The following PCDH15 variants were observed in gnomAD, a reference collection of about 807,000 sequenced individuals.
PCDH15 encodes protocadherin related 15.
PCDH15 carries 129 observed loss-of-function variants against 178.5 expected under a neutral mutation model. That is an observed-to-expected ratio of 0.72 (90% confidence interval 0.63 to 0.84). PCDH15 has a LOEUF of 0.84. PCDH15 is among the 40% of genes least tolerant of loss of function. The pLI, the probability that PCDH15 is intolerant of heterozygous loss-of-function variation, is 0.00. For synonymous variants in PCDH15, 800 were observed against 732.0 expected (o/e 1.09, Z -1.50); for missense variants, 2,230 against 2,099.9 (o/e 1.06, Z -1.21).
chr10:53,825,869 G>GAGTC (rs1421427776), intron 32 of PCDH15, among the ~76,000 whole-genome samples: 1 of 151,312 alleles, frequency 6.6e-6, no homozygotes, highest in East Asian at 1.9e-4. Flanking sequence ...AAAATCTACT[G>GAGTC]AGTCTACTAC....
At chr10:53,847,642 T>C (rs987067363) in intron 28 of PCDH15, among the ~76,000 whole-genome samples, 3 of 152,132 alleles carry the variant, frequency 2.0e-5, no homozygotes, top group Admixed American at 2.0e-4. Context: ...GTTAATTTTG[T>C]AACTGAGTCT....
intron 9 of PCDH15, among the ~76,000 whole-genome samples, chr10:54,228,541 A>G (rs776513400): frequency 9.2e-5 from 14 of 152,194 alleles, no homozygotes; most frequent in Non-Finnish European, 1.9e-4. Flanking sequence ...CTCTCTGCAA[A>G]TTAGAGAACC....
At chr10:55,621,603 T>C (rs1837389454) in intron 2 of PCDH15, among the ~76,000 whole-genome samples, 1 of 152,144 alleles carries the variant, frequency 6.6e-6, no homozygotes, top group Admixed American at 6.5e-5. Flanking sequence ...ATGTGAGGGA[T>C]ATAGGTTGCA....
intron 3 of PCDH15, among the ~76,000 whole-genome samples, chr10:54,850,712 C>A (rs911395162): frequency 1.3e-5 from 2 of 149,724 alleles, no homozygotes; most frequent in African/African-American, 5.0e-5. Flanking sequence ...AATTGAAATG[C>A]CAAAGTTTTG....
At chr10:55,073,920 T>A (rs1841814232) in intron 2 of PCDH15, among the ~76,000 whole-genome samples, 1 of 151,978 alleles carries the variant, frequency 6.6e-6, no homozygotes, top group Non-Finnish European at 1.5e-5. Context: ...TGTCCATGTG[T>A]TCTCATTGTT....
intron 7 of PCDH15, among the ~76,000 whole-genome samples, chr10:54,320,647 G>A (rs942847740): frequency 6.6e-6 from 1 of 151,764 alleles, no homozygotes; most frequent in African/African-American, 2.4e-5. Flanking sequence ...ATTTAATTGG[G>A]TTATAGCTAT....
At chr10:53,814,277 T>C (rs1564518741) in intron 35 of PCDH15, among the ~76,000 whole-genome samples, 1 of 151,916 alleles carries the variant, frequency 6.6e-6, no homozygotes, top group African/African-American at 2.4e-5. Context: ...TTAACAACAT[T>C]AGGTAATAGT....
intron 3 of PCDH15, among the ~76,000 whole-genome samples, chr10:54,855,000 C>T (rs1304974997): frequency 5.3e-5 from 8 of 152,342 alleles, no homozygotes; most frequent in South Asian, 4.1e-4. Context: ...ACCCCATCCA[C>T]GTTTCTCTTA....
intron 2 of PCDH15, among the ~76,000 whole-genome samples, chr10:55,606,774 G>GA (rs1264783344): frequency 1.4e-5 from 2 of 145,536 alleles, no homozygotes; most frequent in Non-Finnish European, 3.0e-5. Context: ...TTAAACATTA[G>GA]ACCTAAAACC....
chr10:53,874,112 G>A (rs895847459), intron 26 of PCDH15, among the ~76,000 whole-genome samples: 2 of 152,086 alleles, frequency 1.3e-5, no homozygotes, highest in East Asian at 1.9e-4. Context: ...GTACTGATGG[G>A]AGCTTTCATT....
At chr10:55,452,284 C>A (rs1189342556) in intron 2 of PCDH15, among the ~76,000 whole-genome samples, 1 of 152,074 alleles carries the variant, frequency 6.6e-6, no homozygotes, top group Non-Finnish European at 1.5e-5. Context: ...CTGAAGTAAA[C>A]TTAATTATCC....
chr10:55,567,706 C>A (rs754578014), intron 2 of PCDH15, among the ~76,000 whole-genome samples: 4 of 151,816 alleles, frequency 2.6e-5, no homozygotes, highest in Non-Finnish European at 5.9e-5. Flanking sequence ...CATCACTAAT[C>A]ATTAGGAAAA....
chr10:54,845,745 A>C (rs182368812), intron 3 of PCDH15, among the ~76,000 whole-genome samples: 2 of 152,200 alleles, frequency 1.3e-5, no homozygotes, highest in African/African-American at 4.8e-5. Context: ...AGAAGAGTGA[A>C]AAGTAACCCA....
intron 3 of PCDH15, among the ~76,000 whole-genome samples, chr10:54,415,000 G>A (rs941339868): frequency 1.3e-5 from 2 of 152,004 alleles, no homozygotes; most frequent in African/African-American, 4.8e-5. Context: ...GTGGTAAAAC[G>A]TGAAATGTGA....
At chr10:54,611,925 T>C (rs1242445681) in intron 2 of PCDH15, among the ~76,000 whole-genome samples, 1 of 151,852 alleles carries the variant, frequency 6.6e-6, no homozygotes, top group Non-Finnish European at 1.5e-5. Context: ...CTCTTTCATG[T>C]TGTTCCTCTT....
At chr10:54,208,277 G>C (rs948624395) in intron 10 of PCDH15, among the ~76,000 whole-genome samples, 3 of 151,980 alleles carry the variant, frequency 2.0e-5, no homozygotes, top group Admixed American at 2.0e-4. Flanking sequence ...TTACCTTAGA[G>C]ACCTGGCTAT....
chr10:54,886,272 A>ATT (rs1954358037), intron 3 of PCDH15, among the ~76,000 whole-genome samples: 1 of 152,168 alleles, frequency 6.6e-6, no homozygotes, highest in Non-Finnish European at 1.5e-5. Context: ...TTTAAAAACG[A>ATT]ATTTTCCACC....
intron 2 of PCDH15, among the ~76,000 whole-genome samples, chr10:55,055,013 A>G (rs1456722880): frequency 6.6e-6 from 1 of 152,158 alleles, no homozygotes; most frequent in East Asian, 1.9e-4. Flanking sequence ...GAAGCTGTTA[A>G]GTTTAATTAC....
At chr10:55,292,138 C>T (rs1843023284) in intron 1 of PCDH15, among the ~76,000 whole-genome samples, 1 of 152,148 alleles carries the variant, frequency 6.6e-6, no homozygotes. Context: ...TAACTCATTT[C>T]AGCATTAACT....
Sources: gnomAD v4.1 joint callset for allele counts (sites outside exome capture counted in the v4.1 genomes callset) on GRCh38, gnomAD v4.1.1 for gene constraint, MANE v1.5 for transcripts, NCBI Gene and HGNC (gene_info 2026-07-23, HGNC 2026-07-21) for gene names.